Variants in PHLDB2 observed in about 807,000 individuals in gnomAD.
PHLDB2 encodes pleckstrin homology like domain family B member 2.
Under a neutral mutation model 123.6 loss-of-function variants are expected in PHLDB2, and 71 were observed. The ratio of observed to expected loss-of-function variants is 0.57; its 90% CI spans 0.47 to 0.70. The LOEUF (loss-of-function observed/expected upper bound fraction) is 0.70, where lower values mean the gene tolerates loss of function less well. Ranked by LOEUF, PHLDB2 falls within the 30% of genes least tolerant of loss-of-function variation. The pLI is 0.00. For missense variants in PHLDB2, 1,446 were observed against 1,519.5 expected (o/e 0.95, Z 0.80); for synonymous variants, 547 against 541.6 (o/e 1.01, Z -0.14).
intron 1 of PHLDB2, among the ~76,000 whole-genome samples, chr3:111,747,813 GT>G (rs1389451871): frequency 1.3e-5 from 2 of 152,102 alleles, no homozygotes; most frequent in Admixed American, 6.5e-5. Context: ...ATCCTGTTGG[GT>G]TGTGTCTTTT....
At chr3:111,899,702 T>C (rs1056940295) in intron 2 of PHLDB2, among the ~76,000 whole-genome samples, 17 of 152,246 alleles carry the variant, frequency 1.1e-4, no homozygotes, top group South Asian at 2.1e-4. Context: ...CTTTGAAGAT[T>C]TGAAGCCAGG....
At chr3:111,959,751 A>G (rs2071280595) in intron 12 of PHLDB2, among the ~76,000 whole-genome samples, 1 of 152,234 alleles carries the variant, frequency 6.6e-6, no homozygotes, top group Non-Finnish European at 1.5e-5. Context: ...AACAACAAAA[A>G]ACACAACCTT....
At chr3:111,957,470 C>G (rs493456) in intron 12 of PHLDB2, 47,020 of 152,192 alleles carry the variant, frequency 0.31, 7,869 homozygotes, top group African/African-American at 0.42. Flanking sequence ...GCATGACCCT[C>G]TTTGTTTTGG....
intron 1 of PHLDB2, among the ~76,000 whole-genome samples, chr3:111,751,421 A>G (rs2059772843): frequency 6.6e-6 from 1 of 152,206 alleles, no homozygotes; most frequent in Non-Finnish European, 1.5e-5. Context: ...TGTTCTACTC[A>G]TTTTATAAAA....
intron 1 of PHLDB2, among the ~76,000 whole-genome samples, chr3:111,733,391 C>G (rs550875746): frequency 1.3e-5 from 2 of 152,198 alleles, no homozygotes; most frequent in African/African-American, 4.8e-5. Flanking sequence ...AAGGCATGGG[C>G]AACACAGAAG....
At position 111,949,040 on chromosome 3, in the gene PHLDB2, A is replaced by G. The variant is rs771610681; in HGVS notation, c.2596A>G (p.Thr866Ala). 1 of 1,613,890 alleles carries G rather than the reference A, an allele frequency of 6.2e-7. No individual in the cohort carries two copies. Among genetic ancestry groups the G allele is most frequent in the Non-Finnish European group, 8.5e-7 (1 of 1,179,946 alleles). The change falls in exon 10 of 18, where the codon ACA becomes GCA. Residue 866 changes from threonine (T) to alanine (A), a missense_variant. Coordinates refer to ENST00000431670, the MANE Select transcript of PHLDB2 (RefSeq NM_001134438.2). ...TGATGCTGTTGCCACTGAGCCTGCC[A>G]CAGCTGTGCTGGCGAGCCAGCCACA... ...DADAVATEPA[T>A]AVLASQPQSK...
At chr3:111,899,573 G>A (rs973517866) in intron 2 of PHLDB2, among the ~76,000 whole-genome samples, 2 of 152,166 alleles carry the variant, frequency 1.3e-5, no homozygotes, top group Non-Finnish European at 2.9e-5. Context: ...CAGAGCACAG[G>A]CAAAATAGAT....
At chr3:111,814,235 C>A (rs1454752766) in intron 1 of PHLDB2, among the ~76,000 whole-genome samples, 2 of 152,074 alleles carry the variant, frequency 1.3e-5, no homozygotes, top group Non-Finnish European at 2.9e-5. Flanking sequence ...CAGACCCACC[C>A]TTGATCTGGG....
At chr3:111,860,281 T>C (rs944483751) in intron 1 of PHLDB2, among the ~76,000 whole-genome samples, 1 of 152,208 alleles carries the variant, frequency 6.6e-6, no homozygotes, top group African/African-American at 2.4e-5. Flanking sequence ...GCTGCGCTTC[T>C]AGTTCCACTT....
chr3:111,830,032 T>C (rs1347656587), intron 1 of PHLDB2, among the ~76,000 whole-genome samples: 3 of 151,240 alleles, frequency 2.0e-5, no homozygotes, highest in Non-Finnish European at 2.9e-5. Context: ...TTCAACTTCT[T>C]AGCCAAGCCA....
intron 1 of PHLDB2, among the ~76,000 whole-genome samples, chr3:111,879,248 C>G (rs1261465514): frequency 6.6e-6 from 1 of 152,068 alleles, no homozygotes; most frequent in Non-Finnish European, 1.5e-5. Context: ...TTGTTCTATT[C>G]AGGGTTTGAC....
intron 1 of PHLDB2, among the ~76,000 whole-genome samples, chr3:111,766,468 T>C (rs1165945409): frequency 1.3e-5 from 2 of 149,898 alleles, no homozygotes; most frequent in Non-Finnish European, 3.0e-5. Context: ...AAGAATCTGA[T>C]GAAATCTAAG....
At chr3:111,929,051 C>T (rs965319373) in intron 5 of PHLDB2, among the ~76,000 whole-genome samples, 6 of 152,124 alleles carry the variant, frequency 3.9e-5, no homozygotes, top group Non-Finnish European at 8.8e-5. Flanking sequence ...CTCTTGAGCC[C>T]ATGAGTTCAA....
chr3:111,764,590 A>AC (rs2060047924), intron 1 of PHLDB2, among the ~76,000 whole-genome samples: 1 of 152,186 alleles, frequency 6.6e-6, no homozygotes, highest in South Asian at 2.1e-4. Flanking sequence ...GATAAAAAAA[A>AC]ATACCCCACT....
In PHLDB2 at chr3:111,969,690, G is replaced by T; in HGVS notation, c.3316G>T (p.Ala1106Ser). The T allele has an allele frequency of 6.2e-7, 1 of 1,613,516 alleles. No individual in the cohort carries two copies. The highest frequency in any genetic ancestry group is 8.5e-7 in the Non-Finnish European group (1 of 1,179,628). The change falls in exon 16 of 18, where the codon GCT (alanine) becomes TCT (serine). Residue 1106 changes from alanine to serine, a missense_variant and splice_region_variant. Ala to Ser is a moderately conservative substitution (Grantham distance 99). Around this residue, in one of 3 missense-constraint regions of PHLDB2, gnomAD observed 594 missense variants for 646.0 expected, o/e 0.92. Coordinates refer to ENST00000431670, the MANE Select transcript of PHLDB2 (RefSeq NM_001134438.2). ...VKIRERQRAQARPLTRYLPVR... is the reference protein window; with the variant it reads ...VKIRERQRAQSRPLTRYLPVR... ...TGCAATGGGTTTTGCACTTTTCCAG[G>T]CTCGTCCTTTGACACGCTACCTGCC...
Position 111,904,277 on chromosome 3 carries a change from C to CAAAAAAAA in PHLDB2, c.1336-9037_1336-9030dup, listed in dbSNP as rs3082325. Among the ~76,000 whole-genome samples, 13 of 86,750 alleles carry CAAAAAAAA rather than the reference C, an allele frequency of 1.5e-4. 5 individuals carry two copies. Among genetic ancestry groups the CAAAAAAAA allele is most frequent in the Admixed American group, 4.4e-4 (3 of 6,858 alleles). 56.9% of individuals were successfully genotyped at this position (86,750 alleles called of 152,430 possible). A position where few individuals can be genotyped will look rare whatever the true frequency, so the allele number is the denominator to read the frequency against. On this transcript the variant is annotated intron_variant, in intron 2 of 17. Transcript: ENST00000431670. ...TGGGTGACAGAGTGAGACCCTGTCT[C>CAAAAAAAA]AAAAAAAAAAAAGGCCAAGGGTTCT...
At chr3:111,820,044 C>T (rs2062295393) in intron 1 of PHLDB2, among the ~76,000 whole-genome samples, 1 of 152,166 alleles carries the variant, frequency 6.6e-6, no homozygotes, top group African/African-American at 2.4e-5. Flanking sequence ...GTCAAACCAT[C>T]CTTGCCCTAG....
At chr3:111,915,808 T>G (rs1368282464) in intron 3 of PHLDB2, 1 of 152,266 alleles carries the variant, frequency 6.6e-6, no homozygotes, top group African/African-American at 2.4e-5. Context: ...GGACATCTGT[T>G]TCTGTGGGCA....
At chr3:111,774,253 G>A (rs78198398) in intron 1 of PHLDB2, among the ~76,000 whole-genome samples, 7,260 of 152,278 alleles carry the variant, frequency 0.048, 584 homozygotes, top group African/African-American at 0.16. Context: ...GTATCTGGGT[G>A]ATGGATGTGC....
Sources: gnomAD v4.1 joint callset for allele counts (sites outside exome capture counted in the v4.1 genomes callset) on GRCh38, gnomAD v4.1.1 for gene constraint, gnomAD v4.1.1 regional missense constraint, MANE v1.5 for transcripts, NCBI Gene and HGNC (gene_info 2026-07-23, HGNC 2026-07-21) for gene names.